ARHGEF10: variants seen among roughly 807,000 people sequenced by gnomAD.
ARHGEF10 encodes the protein Rho guanine nucleotide exchange factor 10, also known as Rho guanine nucleotide exchange factor (GEF) 10.
ARHGEF10 carries 140 observed loss-of-function variants against 147.4 expected under a neutral mutation model. That is an observed-to-expected ratio of 0.95 (90% CI 0.83 to 1.09). The LOEUF (loss-of-function observed/expected upper bound fraction) is 1.09. ARHGEF10 is among the 50% of genes least tolerant of loss of function. The pLI, the probability that ARHGEF10 is intolerant of heterozygous loss-of-function variation, is 0.00. For missense variants in ARHGEF10, 2,222 were observed against 1,752.7 expected, an observed-to-expected ratio of 1.27 and a Z score of -4.78; for synonymous variants, 902 against 695.8, an observed-to-expected ratio of 1.30 and a Z score of -4.67.
chr8:1,868,334 T>C (rs1027246371), intron 6 of ARHGEF10, among the ~76,000 whole-genome samples: 4 of 152,234 alleles, frequency 2.6e-5, no homozygotes, highest in Non-Finnish European at 5.9e-5. Context: ...AGCGGTTGTC[T>C]GTATGTTTTT....
At chr8:1,946,936 A>G (rs1171472657) in intron 27 of ARHGEF10, among the ~76,000 whole-genome samples, 2 of 152,238 alleles carry the variant, frequency 1.3e-5, no homozygotes, top group South Asian at 2.1e-4. Flanking sequence ...TGTACAAGTC[A>G]TTGTTAAAAT....
At chr8:1,918,368 C>T (rs949612217) in intron 18 of ARHGEF10, among the ~76,000 whole-genome samples, 7 of 151,770 alleles carry the variant, frequency 4.6e-5, no homozygotes, top group Admixed American at 1.3e-4. Context: ...TCCGTAAGGT[C>T]GAGGAACTCC....
chr8:1,868,073 T>G (rs911846148), intron 6 of ARHGEF10, among the ~76,000 whole-genome samples: 1 of 152,222 alleles, frequency 6.6e-6, no homozygotes, highest in Non-Finnish European at 1.5e-5. Context: ...ATAACTATAT[T>G]TGGAAATATG....
At chr8:1,910,562 C>T (rs928375721) in intron 18 of ARHGEF10, among the ~76,000 whole-genome samples, 1 of 152,102 alleles carries the variant, frequency 6.6e-6, no homozygotes. Context: ...TACCAAAACC[C>T]AGATTTCCCA....
At chr8:1,911,271 T>C (rs1811331626) in intron 18 of ARHGEF10, among the ~76,000 whole-genome samples, 1 of 150,856 alleles carries the variant, frequency 6.6e-6, no homozygotes, top group Non-Finnish European at 1.5e-5. Flanking sequence ...TATGATTGTG[T>C]TTTGCATACC....
At chr8:1,868,345 G>C (rs1585323925) in intron 6 of ARHGEF10, among the ~76,000 whole-genome samples, 1 of 152,306 alleles carries the variant, frequency 6.6e-6, no homozygotes, top group East Asian at 1.9e-4. Flanking sequence ...GTATGTTTTT[G>C]ATGCAGTCAT....
At chr8:1,866,116 C>T (rs1053339214) in intron 5 of ARHGEF10, among the ~76,000 whole-genome samples, 9 of 152,216 alleles carry the variant, frequency 5.9e-5, no homozygotes, top group Middle Eastern at 3.2e-3. Context: ...CTTTCTCCCA[C>T]TGACCTGCTC....
At chr8:1,898,566 C>G (rs1191078444) in intron 15 of ARHGEF10, 41 bp downstream of exon 15, 1 of 1,584,622 alleles carries the variant, frequency 6.3e-7, no homozygotes, top group Admixed American at 1.7e-5. Flanking sequence ...AGTCCTCTGG[C>G]TCGCCCATGA....
intron 13 of ARHGEF10, 95 bp downstream of exon 13, chr8:1,894,667 C>A: frequency 7.2e-7 from 1 of 1,388,136 alleles, no homozygotes; most frequent in South Asian, 1.2e-5. Context: ...TGATCTCCTG[C>A]AAGCTGACAA....
chr8:1,823,497 C>T (rs1802526190), upstream of ARHGEF10, among the ~76,000 whole-genome samples: 1 of 151,822 alleles, frequency 6.6e-6, no homozygotes, highest in Non-Finnish European at 1.5e-5. Context: ...GTGAGCTCAG[C>T]CCGTGGGGGT....
chr8:1,926,061 C>G (rs1168884228), intron 22 of ARHGEF10, among the ~76,000 whole-genome samples: 1 of 152,210 alleles, frequency 6.6e-6, no homozygotes, highest in Non-Finnish European at 1.5e-5. Flanking sequence ...CAGGCCATCA[C>G]AGGCTGTACT....
At chr8:1,930,851 A>G (rs1014431289) in intron 25 of ARHGEF10, among the ~76,000 whole-genome samples, 1 of 152,184 alleles carries the variant, frequency 6.6e-6, no homozygotes, top group African/African-American at 2.4e-5. Context: ...TAAGCACAGG[A>G]GCCGCTCCTG....
intron 1 of ARHGEF10, among the ~76,000 whole-genome samples, chr8:1,842,567 C>T (rs369310206): frequency 2.6e-5 from 4 of 152,200 alleles, no homozygotes; most frequent in South Asian, 2.1e-4. Context: ...CCTGATGCGG[C>T]GAGGGCCTGG....
At chr8:1,869,122 G>A (rs1806866315) in intron 6 of ARHGEF10, 72 bp from the exon 7 acceptor site, 3 of 1,311,954 alleles carry the variant, frequency 2.3e-6, no homozygotes, top group South Asian at 2.3e-5. Context: ...CGGCGACTGT[G>A]GCCCTGTAAA....
At chr8:1,828,732 GT>G (rs1802913655) in intron 1 of ARHGEF10, among the ~76,000 whole-genome samples, 1 of 147,384 alleles carries the variant, frequency 6.8e-6, no homozygotes, top group South Asian at 2.1e-4. Flanking sequence ...ACACTTAACG[GT>G]TTTAAGGAAT....
chr8:1,931,252 G>A (rs1813119807), intron 25 of ARHGEF10, among the ~76,000 whole-genome samples: 1 of 152,204 alleles, frequency 6.6e-6, no homozygotes, highest in Admixed American at 6.5e-5. Flanking sequence ...AATGTGTGTT[G>A]ATAGGACTTT....
intron 14 of ARHGEF10, among the ~76,000 whole-genome samples, chr8:1,898,174 C>G (rs1810163495): frequency 6.6e-6 from 1 of 152,190 alleles, no homozygotes; most frequent in African/African-American, 2.4e-5. Context: ...GGAATCTGCC[C>G]AGTCCCCTGG....
intron 4 of ARHGEF10, 68 bp downstream of exon 4, chr8:1,860,252 T>A: frequency 6.6e-7 from 1 of 1,512,098 alleles, no homozygotes; most frequent in Non-Finnish European, 9.0e-7. Flanking sequence ...GCCCCCGAAG[T>A]GGCCTGTGGT....
chr8:1,839,951 C>CGGTGTGGAAGCTGTCT (rs1271962894), intron 1 of ARHGEF10, among the ~76,000 whole-genome samples: 23 of 79,678 alleles, frequency 2.9e-4, no homozygotes, highest in Non-Finnish European at 4.2e-4. Context: ...GGGGACTGTC[C>CGGTGTGGAAGCTGTCT]GGTGTGGAAG....
Sources: allele counts gnomAD v4.1 joint callset (sites outside exome capture counted in the v4.1 genomes callset), GRCh38; gene constraint gnomAD v4.1.1; transcripts MANE v1.5; gene names NCBI Gene and HGNC (gene_info 2026-07-23, HGNC 2026-07-21).